DOK5: variants seen among roughly 807,000 people sequenced by gnomAD.
The protein encoded by DOK5 is downstream of tyrosine kinase 5.
A neutral mutation model predicts 43.3 loss-of-function variants in DOK5; 27 were observed. That is an observed-to-expected ratio of 0.62 (90% CI 0.46 to 0.86). The LOEUF (loss-of-function observed/expected upper bound fraction) is 0.86. DOK5 is among the 40% of genes least tolerant of loss of function. The pLI is 0.00. For synonymous variants in DOK5, 146 were observed against 140.1 expected (o/e 1.04, Z -0.30); for missense variants, 373 against 392.9 (o/e 0.95, Z 0.43).
intron 1 of DOK5, among the ~76,000 whole-genome samples, chr20:54,510,378 C>T (rs921836154): frequency 2.6e-5 from 4 of 152,140 alleles, no homozygotes; most frequent in African/African-American, 9.6e-5. Flanking sequence ...AATCTTTGTA[C>T]TTGTACAGTT....
intron 1 of DOK5, among the ~76,000 whole-genome samples, chr20:54,535,892 C>T (rs1983945586): frequency 6.6e-6 from 1 of 152,098 alleles, no homozygotes; most frequent in Admixed American, 6.6e-5. Context: ...TATGTTAAGG[C>T]ATGTTTGGAA....
intron 1 of DOK5, among the ~76,000 whole-genome samples, chr20:54,481,168 A>C (rs928548602): frequency 6.7e-6 from 1 of 150,254 alleles, no homozygotes; most frequent in African/African-American, 2.5e-5. Context: ...CTATCTATCT[A>C]TCTATCTATC....
intron 6 of DOK5, among the ~76,000 whole-genome samples, chr20:54,638,277 G>A (rs1050423266): frequency 3.9e-5 from 6 of 152,268 alleles, no homozygotes; most frequent in Admixed American, 1.3e-4. Context: ...CATCAGGAGA[G>A]TATCTAAAGG....
Position 54,623,994 on chromosome 20 carries a change from A to G in DOK5, c.735+13471A>G, listed in dbSNP as rs549573621. On this transcript the variant is annotated intron_variant, in intron 6 of 7. Transcript: ENST00000262593. Reference sequence around the variant, plus strand: ...ACCAGGAATTTGAATGATGGAGCCGAGAGCTCTTGTTTCCTTAAGACCCTG... The same window carrying G: ...ACCAGGAATTTGAATGATGGAGCCGGGAGCTCTTGTTTCCTTAAGACCCTG... Among the ~76,000 whole-genome samples, 11 of 152,356 alleles carry G rather than the reference A, an allele frequency of 7.2e-5. No homozygotes were observed. In the East Asian group the frequency reaches 2.1e-3, roughly 29 times the overall value.
chr20:54,644,623 G>A (rs1431044628), intron 7 of DOK5, among the ~76,000 whole-genome samples: 4 of 151,296 alleles, frequency 2.6e-5, no homozygotes, highest in African/African-American at 9.8e-5. Context: ...GGAGAATGGC[G>A]TGAACCCGGG....
chr20:54,647,529 A>G (rs916628932), intron 7 of DOK5, among the ~76,000 whole-genome samples: 3 of 152,026 alleles, frequency 2.0e-5, no homozygotes, highest in African/African-American at 7.2e-5. Context: ...AAAAACAAAA[A>G]AACTATGGAA....
At chr20:54,583,588 A>G (rs1381566735) in intron 2 of DOK5, among the ~76,000 whole-genome samples, 1 of 152,152 alleles carries the variant, frequency 6.6e-6, no homozygotes, top group African/African-American at 2.4e-5. Flanking sequence ...TATATATTAT[A>G]ATTGCTATAT....
chr20:54,598,282 T>G (rs887285674), intron 5 of DOK5, among the ~76,000 whole-genome samples: 9 of 152,216 alleles, frequency 5.9e-5, no homozygotes, highest in Admixed American at 1.3e-4. Context: ...TTAGTTTATC[T>G]TGGGGGCTAA....
At chr20:54,522,660 C>T (rs1369714293) in intron 1 of DOK5, among the ~76,000 whole-genome samples, 1 of 151,936 alleles carries the variant, frequency 6.6e-6, no homozygotes, top group Middle Eastern at 3.4e-3. Flanking sequence ...GCTGGGATTA[C>T]AGGCGTCCAC....
At chr20:54,525,387 A>T (rs1983543201) in intron 1 of DOK5, among the ~76,000 whole-genome samples, 1 of 152,232 alleles carries the variant, frequency 6.6e-6, no homozygotes, top group African/African-American at 2.4e-5. Flanking sequence ...CTTTGAACGT[A>T]TTTATGCAGG....
intron 1 of DOK5, among the ~76,000 whole-genome samples, chr20:54,508,145 T>C (rs1382077655): frequency 6.6e-6 from 1 of 152,042 alleles, no homozygotes; most frequent in Non-Finnish European, 1.5e-5. Context: ...GGGGGTGTTT[T>C]AGACCCATAG....
rs1011871917 is a variant in DOK5, at chr20:54,513,462, C to CAAAA, written c.66+37473_66+37476dup. 7.3e-4 allele frequency among the ~76,000 whole-genome samples: 18 copies of CAAAA among 24,600 alleles called. 1 individual carries two copies. Among genetic ancestry groups the CAAAA allele is most frequent in the South Asian group, 2.2e-3 (1 of 456 alleles). The allele number at this position is 24,600 out of a possible 152,430, so 16.1% of individuals were successfully genotyped here. A position where few individuals can be genotyped will look rare whatever the true frequency, so the allele number is the denominator to read the frequency against. The stretch of plus-strand genomic sequence containing the variant: ...GCTTGTTTGCTTTAAATACTCTGAG[C>CAAAA]AAAAAAAAAAAAAAAAAAAAAAAAA... On this transcript the variant is annotated intron_variant, in intron 1 of 7. Coordinates refer to ENST00000262593, the MANE Select transcript of DOK5 (RefSeq NM_018431.5).
At chr20:54,486,603 A>C (rs1981945332) in intron 1 of DOK5, among the ~76,000 whole-genome samples, 1 of 152,054 alleles carries the variant, frequency 6.6e-6, no homozygotes, top group Admixed American at 6.6e-5. Flanking sequence ...TAATTGGTGC[A>C]TTAGTTTATT....
intron 1 of DOK5, among the ~76,000 whole-genome samples, chr20:54,481,131 C>CATCTATCTATCT (rs58563329): frequency 3.2e-4 from 45 of 139,574 alleles, no homozygotes; most frequent in Non-Finnish European, 3.5e-4. Context: ...ATGTATCTAT[C>CATCTATCTATCT]ATCTATCTAT....
At chr20:54,645,907 G>C (rs1234583542) in intron 7 of DOK5, among the ~76,000 whole-genome samples, 1 of 124,490 alleles carries the variant, frequency 8.0e-6, no homozygotes, top group Non-Finnish European at 1.6e-5. Context: ...CAGAGAGCAT[G>C]GCACATAGCA....
intron 6 of DOK5, among the ~76,000 whole-genome samples, chr20:54,632,192 A>G (rs981533818): frequency 6.6e-6 from 1 of 152,180 alleles, no homozygotes; most frequent in Non-Finnish European, 1.5e-5. Flanking sequence ...GCCTATAGTA[A>G]CATCTTAACT....
chr20:54,594,541 A>ATAAG (rs2146774058), intron 5 of DOK5, among the ~76,000 whole-genome samples: 1 of 123,612 alleles, frequency 8.1e-6, no homozygotes, highest in African/African-American at 4.5e-5. Context: ...TGTTTTATAA[A>ATAAG]TAGACTTTTC....
At chr20:54,646,651 CTATT>C (rs1979444375) in intron 7 of DOK5, among the ~76,000 whole-genome samples, 1 of 152,058 alleles carries the variant, frequency 6.6e-6, no homozygotes, top group South Asian at 2.1e-4. Context: ...TCAAAAGTGG[CTATT>C]TAAACAAGTA....
At chr20:54,526,257 G>A (rs1983571374) in intron 1 of DOK5, among the ~76,000 whole-genome samples, 1 of 151,966 alleles carries the variant, frequency 6.6e-6, no homozygotes, top group Non-Finnish European at 1.5e-5. Flanking sequence ...GATAAAGACA[G>A]GCTGTTTAAA....
Sources: allele counts gnomAD v4.1 joint callset (sites outside exome capture counted in the v4.1 genomes callset), GRCh38; gene constraint gnomAD v4.1.1; transcripts MANE v1.5; gene names NCBI Gene and HGNC (gene_info 2026-07-23, HGNC 2026-07-21).